Variants in PAX5 observed in about 807,000 individuals in gnomAD.
The protein encoded by PAX5 is paired box 5.
A neutral mutation model predicts 43.7 loss-of-function variants in PAX5; 9 were observed. The ratio of observed to expected loss-of-function variants is 0.21; its 90% CI spans 0.12 to 0.36. The LOEUF (loss-of-function observed/expected upper bound fraction) is 0.36. PAX5 is among the 10% of genes least tolerant of loss of function. The pLI is 1.00. For missense variants in PAX5, 383 were observed against 532.7 expected (o/e 0.72, Z 2.77); for synonymous variants, 228 against 214.3 (o/e 1.06, Z -0.56).
intron 8 of PAX5, among the ~76,000 whole-genome samples, chr9:36,862,385 G>A (rs1053798783): frequency 6.6e-6 from 1 of 152,112 alleles, no homozygotes; most frequent in South Asian, 2.1e-4. Context: ...GCAGCAGTCC[G>A]GCCTTCCTAT....
chr9:37,030,269 C>T (rs1840851437), intron 1 of PAX5, among the ~76,000 whole-genome samples: 1 of 152,202 alleles, frequency 6.6e-6, no homozygotes, highest in Non-Finnish European at 1.5e-5. Flanking sequence ...AGCGGGCGGC[C>T]TCTGGGAAGT....
At chr9:36,902,336 C>T (rs1454391556) in intron 7 of PAX5, among the ~76,000 whole-genome samples, 1 of 152,178 alleles carries the variant, frequency 6.6e-6, no homozygotes, top group Admixed American at 6.5e-5. Context: ...TCATAAAGAC[C>T]TGAGACATCC....
intron 6 of PAX5, among the ~76,000 whole-genome samples, chr9:36,931,697 A>T (rs1588008670): frequency 6.6e-6 from 1 of 151,990 alleles, no homozygotes; most frequent in African/African-American, 2.4e-5. Context: ...ATAAATAAAA[A>T]AATCAGCCAG....
At chr9:36,993,579 G>A (rs1837109484) in intron 5 of PAX5, among the ~76,000 whole-genome samples, 1 of 152,330 alleles carries the variant, frequency 6.6e-6, no homozygotes, top group African/African-American at 2.4e-5. Flanking sequence ...ACACAGCAGG[G>A]GCAGGGGTTT....
intron 5 of PAX5, among the ~76,000 whole-genome samples, chr9:36,976,795 G>T (rs1236866772): frequency 6.6e-6 from 1 of 152,258 alleles, no homozygotes; most frequent in Non-Finnish European, 1.5e-5. Context: ...TGAGTCACAG[G>T]CTGTCAGTGT....
intron 3 of PAX5, among the ~76,000 whole-genome samples, chr9:37,013,734 C>T (rs1178871190): frequency 6.6e-6 from 1 of 152,148 alleles, no homozygotes; most frequent in Non-Finnish European, 1.5e-5. Context: ...TGGAACAGAC[C>T]AAGAAACTGT....
At chr9:36,859,399 T>G (rs1368259261) in intron 8 of PAX5, among the ~76,000 whole-genome samples, 1 of 152,150 alleles carries the variant, frequency 6.6e-6, no homozygotes, top group Non-Finnish European at 1.5e-5. Flanking sequence ...AGACCCAGGC[T>G]GGACCACCCA....
At chr9:37,001,517 GAAGA>G (rs1837848110) in intron 5 of PAX5, among the ~76,000 whole-genome samples, 2 of 152,240 alleles carry the variant, frequency 1.3e-5, no homozygotes, top group South Asian at 4.1e-4. Context: ...AGCAGGAGCA[GAAGA>G]GAGAGGCAAG....
intron 7 of PAX5, among the ~76,000 whole-genome samples, chr9:36,902,655 C>T (rs1450733451): frequency 6.6e-6 from 1 of 152,222 alleles, no homozygotes; most frequent in African/African-American, 2.4e-5. Context: ...AAGCCACACC[C>T]TGGCTCCATG....
intron 6 of PAX5, among the ~76,000 whole-genome samples, chr9:36,948,015 C>G (rs1299998328): frequency 1.3e-5 from 2 of 152,170 alleles, no homozygotes; most frequent in African/African-American, 4.8e-5. Flanking sequence ...ATAACATCCT[C>G]TGAACGTCTC....
chr9:36,920,895 C>A (rs1830123925), intron 7 of PAX5, among the ~76,000 whole-genome samples: 1 of 144,830 alleles, frequency 6.9e-6, no homozygotes, highest in Admixed American at 7.4e-5. Flanking sequence ...CTCACTGCAA[C>A]CTCCGCCTTC....
rs557234027 is a variant in PAX5 at position 36,974,831 on chromosome 9, G to C, written c.605-8107C>G. On this transcript the variant is annotated intron_variant, in intron 5 of 9. Transcript: ENST00000358127. ...CCCCGGGGACAAAGCCTGAGCCCCC[G>C]AGGCCTCGACGACCTGCCCCTCTAG... Among the ~76,000 whole-genome samples the C allele has an allele frequency of 1.8e-4, 28 of 152,128 alleles. 1 individual carries two copies. The South Asian group carries it at 5.6e-3, about 31-fold the overall frequency.
chr9:36,880,862 G>A (rs2131753196), intron 8 of PAX5, among the ~76,000 whole-genome samples: 1 of 152,336 alleles, frequency 6.6e-6, no homozygotes, highest in Non-Finnish European at 1.5e-5. Context: ...ACAGGCATGA[G>A]CCACTGTGCC....
intron 6 of PAX5, among the ~76,000 whole-genome samples, chr9:36,963,680 G>T (rs1484633224): frequency 2.0e-5 from 3 of 152,232 alleles, no homozygotes; most frequent in African/African-American, 7.2e-5. Context: ...AGGCTGCGTG[G>T]TCTTCCTGGG....
rs1316874159 is a variant in PAX5, at chr9:36,868,307, G to GAGCACCTACTGCAGGC, written c.1012+13681_1012+13696dup. 8.5e-5 allele frequency among the ~76,000 whole-genome samples: 13 copies of GAGCACCTACTGCAGGC among 152,332 alleles called. No individual in the cohort carries two copies. The South Asian group carries it at 1.4e-3, about 17-fold the overall frequency. On this transcript the variant is annotated intron_variant, in intron 8 of 9. Transcript: ENST00000358127. ...CAGATAAATCCCACCCACAGCTACT[G>GAGCACCTACTGCAGGC]AGCACCTACTGCAGGCAGCACCTAC...
intron 6 of PAX5, among the ~76,000 whole-genome samples, chr9:36,924,491 G>A (rs994550912): frequency 2.0e-5 from 3 of 152,066 alleles, no homozygotes; most frequent in Non-Finnish European, 4.4e-5. Flanking sequence ...AGGCCAAAGC[G>A]GGTGGATCAT....
At chr9:36,932,001 A>G (rs1333160731) in intron 6 of PAX5, among the ~76,000 whole-genome samples, 1 of 151,882 alleles carries the variant, frequency 6.6e-6, no homozygotes, top group Non-Finnish European at 1.5e-5. Context: ...CTGGCTAGGC[A>G]CTGTGATTCA....
At chr9:36,859,165 C>G (rs1400385034) in intron 8 of PAX5, among the ~76,000 whole-genome samples, 1 of 152,112 alleles carries the variant, frequency 6.6e-6, no homozygotes, top group Admixed American at 6.5e-5. Flanking sequence ...TTCCTGCCCC[C>G]GGCAAGCCAG....
chr9:36,949,987 C>T (rs927697716), intron 6 of PAX5, among the ~76,000 whole-genome samples: 2 of 152,256 alleles, frequency 1.3e-5, no homozygotes, highest in Non-Finnish European at 2.9e-5. Context: ...TGACCTTAAT[C>T]TCCATTCCCC....
Sources: allele counts gnomAD v4.1 joint callset (sites outside exome capture counted in the v4.1 genomes callset), GRCh38; gene constraint gnomAD v4.1.1; transcripts MANE v1.5; gene names NCBI Gene and HGNC (gene_info 2026-07-23, HGNC 2026-07-21).